Variants in MYO9A observed in about 807,000 individuals in gnomAD.
MYO9A encodes unconventional myosin-IXa.
In MYO9A, 103 loss-of-function variants were observed where a neutral mutation model predicts 293.3. The ratio of observed to expected loss-of-function variants is 0.35; its 90% CI spans 0.30 to 0.41. The LOEUF is 0.41. MYO9A is among the 10% of genes least tolerant of loss of function. The pLI, the probability that MYO9A is intolerant of heterozygous loss-of-function variation, is 1.00. For missense variants in MYO9A, 2,685 were observed against 3,033.0 expected (o/e 0.89, Z 2.69); for synonymous variants, 1,001 against 1,035.7 (o/e 0.97, Z 0.64).
At position 71,823,685 on chromosome 15, in the gene MYO9A, A is replaced by AAATT. The variant is rs1277646111; in HGVS notation, c.*2891_*2894dup. ...ACATTTTCCATAATAAGTACATACT[A>AAATT]AATTACAGGGATACATTCACTTTAA... On this transcript the variant is annotated 3_prime_UTR_variant, in exon 42 of 42. Transcript: ENST00000356056. 1 of 152,244 alleles carries AAATT rather than the reference A, an allele frequency of 6.6e-6. No homozygotes were observed. The highest frequency in any genetic ancestry group is 2.4e-5 in the African/African-American group (1 of 41,460). 9.4% of individuals were successfully genotyped at this position (152,244 alleles called of 1,614,324 possible). A position where few individuals can be genotyped will look rare whatever the true frequency, so the allele number is the denominator to read the frequency against.
chr15:72,051,646 G>A (rs745672018), intron 1 of MYO9A, among the ~76,000 whole-genome samples: 4 of 152,160 alleles, frequency 2.6e-5, no homozygotes, highest in Non-Finnish European at 5.9e-5. Context: ...GGTTGGGTCC[G>A]AGACTGGGCA....
At chr15:72,100,740 G>A (rs1256393443) in intron 1 of MYO9A, among the ~76,000 whole-genome samples, 1 of 150,680 alleles carries the variant, frequency 6.6e-6, no homozygotes, top group Non-Finnish European at 1.5e-5. Context: ...CCCCGTCTGA[G>A]AAGTGAGGAG....
chr15:71,932,136 G>T (rs1189771289), intron 18 of MYO9A, among the ~76,000 whole-genome samples: 1 of 152,190 alleles, frequency 6.6e-6, no homozygotes, highest in East Asian at 1.9e-4. Context: ...AAAGGTTGAA[G>T]TGTTAAGTGT....
At chr15:71,991,695 A>C (rs1241010825) in intron 10 of MYO9A, among the ~76,000 whole-genome samples, 1 of 152,280 alleles carries the variant, frequency 6.6e-6, no homozygotes, top group East Asian at 1.9e-4. Flanking sequence ...ATTAAGAACC[A>C]AACTAGTATA....
chr15:71,938,175 T>C (rs113140841), intron 16 of MYO9A, among the ~76,000 whole-genome samples: 3,047 of 152,046 alleles, frequency 0.02, 87 homozygotes, highest in African/African-American at 0.061. Context: ...GGTGACTCAA[T>C]TGGAAAAAAT....
intron 31 of MYO9A, among the ~76,000 whole-genome samples, chr15:71,876,054 A>G (rs776545362): frequency 1.4e-4 from 22 of 152,184 alleles, no homozygotes; most frequent in Non-Finnish European, 2.9e-4. Flanking sequence ...GAATGGAAGG[A>G]TACTTTAGAG....
At chr15:71,979,038 T>A (rs2076211032) in intron 11 of MYO9A, among the ~76,000 whole-genome samples, 1 of 152,210 alleles carries the variant, frequency 6.6e-6, no homozygotes. Context: ...AAATATCCCA[T>A]GTACCTAATT....
intron 1 of MYO9A, among the ~76,000 whole-genome samples, chr15:72,115,002 T>C (rs754964111): frequency 2.6e-5 from 4 of 152,154 alleles, no homozygotes; most frequent in Non-Finnish European, 5.9e-5. Flanking sequence ...CTAACTTCTA[T>C]TGAGGTACTT....
chr15:72,044,123 T>G (rs769024266), intron 2 of MYO9A, among the ~76,000 whole-genome samples: 2 of 151,476 alleles, frequency 1.3e-5, no homozygotes, highest in African/African-American at 2.4e-5. Flanking sequence ...TGTTCACGTA[T>G]AGGCTGGGGG....
chr15:72,065,232 T>C (rs1211380432), intron 1 of MYO9A, among the ~76,000 whole-genome samples: 3 of 152,150 alleles, frequency 2.0e-5, no homozygotes, highest in Non-Finnish European at 2.9e-5. Flanking sequence ...AATATTTACA[T>C]GAGCCAGGCA....
At chr15:72,079,168 C>T (rs953402792) in intron 1 of MYO9A, among the ~76,000 whole-genome samples, 2 of 152,178 alleles carry the variant, frequency 1.3e-5, no homozygotes, top group Middle Eastern at 3.4e-3. Flanking sequence ...ATGGACCTCA[C>T]TTAACCAAGA....
intron 11 of MYO9A, among the ~76,000 whole-genome samples, chr15:71,979,979 T>C (rs1349696485): frequency 6.6e-6 from 1 of 152,200 alleles, no homozygotes; most frequent in African/African-American, 2.4e-5. Context: ...AGTATTCCAT[T>C]GTATCTGTAT....
At chr15:71,965,671 G>T (rs1280878675) in intron 13 of MYO9A, among the ~76,000 whole-genome samples, 1 of 152,058 alleles carries the variant, frequency 6.6e-6, no homozygotes, top group African/African-American at 2.4e-5. Flanking sequence ...CCTGGAGGGC[G>T]GAGGTTGCAG....
At chr15:72,057,061 T>C (rs1228188792) in intron 1 of MYO9A, among the ~76,000 whole-genome samples, 9 of 148,602 alleles carry the variant, frequency 6.1e-5, no homozygotes, top group African/African-American at 2.2e-4. Context: ...GAGCCGAGAT[T>C]GCACCACCGT....
At chr15:72,015,593 T>G (rs2077307519) in intron 6 of MYO9A, among the ~76,000 whole-genome samples, 1 of 151,764 alleles carries the variant, frequency 6.6e-6, no homozygotes, top group South Asian at 2.1e-4. Context: ...AAACCCTACC[T>G]AATAGTTGGA....
chr15:71,995,601 C>T (rs1164110195), intron 9 of MYO9A, among the ~76,000 whole-genome samples: 1 of 149,940 alleles, frequency 6.7e-6, no homozygotes, highest in Admixed American at 6.7e-5. Context: ...ACATGTCTTA[C>T]AGAACTGAGT....
rs908923568 is a variant in MYO9A at position 71,900,090 on chromosome 15, T to C, written c.3151-84A>G. The C allele has an allele frequency of 3.0e-6, 4 of 1,332,004 alleles. No homozygotes were observed. In the South Asian group the frequency reaches 6.1e-5, roughly 20 times the overall value. 82.5% of individuals were successfully genotyped at this position (1,332,004 alleles called of 1,614,324 possible). A position where few individuals can be genotyped will look rare whatever the true frequency, so the allele number is the denominator to read the frequency against. Reference sequence around the variant, plus strand: ...GGAAAAAAAGAGAATAAATTTCTTATGTCATAATTACAGGTTAAGTGGCTA... The same window carrying C: ...GGAAAAAAAGAGAATAAATTTCTTACGTCATAATTACAGGTTAAGTGGCTA... On this transcript the variant is annotated intron_variant, in intron 23 of 41. Transcript: ENST00000356056.
At chr15:71,841,363 T>TA (rs1008020721) in intron 39 of MYO9A, among the ~76,000 whole-genome samples, 4 of 152,204 alleles carry the variant, frequency 2.6e-5, no homozygotes, top group African/African-American at 9.7e-5. Context: ...TGGGTTCAGA[T>TA]ATATTTTTTA....
Position 71,899,780 on chromosome 15 carries a change from C to A in MYO9A, c.3377G>T (p.Trp1126Leu). The change falls in exon 24 of 42, where the codon TGG becomes TTG. Residue 1126 changes from tryptophan (W) to leucine (L), a missense_variant. Physicochemically the swap from Trp to Leu is moderately conservative, Grantham distance 61 (BLOSUM62 -2). Around this residue, in one of 10 missense-constraint regions of MYO9A, gnomAD observed 1,434 missense variants for 1,497.7 expected, o/e 0.96. Coordinates refer to ENST00000356056, the MANE Select transcript of MYO9A (RefSeq NM_006901.4). ...CCTTTTACTTTCCCTGTAGGCTTTC[C>A]ATCTTGCTTGTATGCAAATAGCAGC... ...HMAAICIQAR[W>L]KAYRESKRYQ... 6.2e-7 allele frequency: 1 copy of A among 1,614,082 alleles called. No individual in the cohort carries two copies. Among genetic ancestry groups the A allele is most frequent in the South Asian group, 1.1e-5 (1 of 91,076 alleles).
Sources: gnomAD v4.1 joint callset for allele counts (sites outside exome capture counted in the v4.1 genomes callset) on GRCh38, gnomAD v4.1.1 for gene constraint, gnomAD v4.1.1 regional missense constraint, MANE v1.5 for transcripts, NCBI Gene and HGNC (gene_info 2026-07-23, HGNC 2026-07-21) for gene names.